The following SLC5A4 variants were observed in gnomAD, a reference collection of about 807,000 sequenced individuals.
SLC5A4 encodes solute carrier family 5 member 4, also known as probable glucose sensor protein SLC5A4.
Under a neutral mutation model 70.3 loss-of-function variants are expected in SLC5A4, and 55 were observed. That is an observed-to-expected ratio of 0.78 (90% CI 0.63 to 0.98). The LOEUF is 0.98. Ranked by LOEUF, SLC5A4 falls within the 50% of genes least tolerant of loss-of-function variation. The probability of loss-of-function intolerance (pLI) is 0.00; values close to 1 mark genes in which losing one functional copy is unlikely to be tolerated. For missense variants in SLC5A4, 735 were observed against 839.2 expected (o/e 0.88, Z 1.53); for synonymous variants, 268 against 305.7 (o/e 0.88, Z 1.29).
At chr22:32,264,794 T>C in the SLC5A4 span, among the ~76,000 whole-genome samples, 7 of 152,250 alleles carry the variant, frequency 4.6e-5, no homozygotes, top group Non-Finnish European at 7.3e-5. Flanking sequence ...CACACTTTTT[T>C]TGTAGCCCTT....
At chr22:32,315,424 G>A in the SLC5A4 span, among the ~76,000 whole-genome samples, 1 of 151,834 alleles carries the variant, frequency 6.6e-6, no homozygotes, top group East Asian at 1.9e-4. Flanking sequence ...GAGGCATCAA[G>A]GTAAACAAAA....
the SLC5A4 span, among the ~76,000 whole-genome samples, chr22:32,328,851 C>G: frequency 6.6e-6 from 1 of 152,180 alleles, no homozygotes; most frequent in Admixed American, 6.5e-5. Flanking sequence ...GATTGTGCAT[C>G]TGGACATCCC....
the SLC5A4 span, among the ~76,000 whole-genome samples, chr22:32,349,212 A>G: frequency 6.6e-6 from 1 of 151,814 alleles, no homozygotes; most frequent in African/African-American, 2.4e-5. Context: ...TGACCTCATG[A>G]TCCACCCACC....
At chr22:32,234,832 A>G in intron 8 of SLC5A4, 41 bp downstream of exon 8, 1 of 1,401,624 alleles carries the variant, frequency 7.1e-7, no homozygotes. Context: ...ACACACAGAC[A>G]GACAGACAGA....
At chr22:32,287,085 C>T in the SLC5A4 span, among the ~76,000 whole-genome samples, 311 of 152,218 alleles carry the variant, frequency 2.0e-3, 3 homozygotes, top group African/African-American at 7.4e-3. Flanking sequence ...AGTTACGGTA[C>T]AGGGAACTCT....
At chr22:32,251,922 C>G (rs560240571) in intron 2 of SLC5A4, 48 bp from the exon 3 acceptor site, 2 of 1,389,708 alleles carry the variant, frequency 1.4e-6, no homozygotes, top group Admixed American at 3.4e-5. Flanking sequence ...AGATCCAAAT[C>G]AGACTTCTTG....
the SLC5A4 span, among the ~76,000 whole-genome samples, chr22:32,332,171 C>T: frequency 6.6e-6 from 1 of 152,202 alleles, no homozygotes; most frequent in Admixed American, 6.5e-5. Flanking sequence ...TCCCAGCTCC[C>T]TTCCCAAAGG....
At chr22:32,270,237 T>G in the SLC5A4 span, 1 of 695,762 alleles carries the variant, frequency 1.4e-6, no homozygotes, top group Non-Finnish European at 2.7e-6. Flanking sequence ...CCTGCACCAA[T>G]GCTGCCATGG....
the SLC5A4 span, among the ~76,000 whole-genome samples, chr22:32,352,695 G>A: frequency 1.3e-5 from 2 of 152,098 alleles, no homozygotes; most frequent in Non-Finnish European, 2.9e-5. Flanking sequence ...CCCCAAACTT[G>A]CTGCTGCTGC....
chr22:32,292,187 AATAC>A, the SLC5A4 span, among the ~76,000 whole-genome samples: 1 of 53,584 alleles, frequency 1.9e-5, no homozygotes, highest in African/African-American at 7.7e-5. Context: ...TATTATATAT[AATAC>A]ATACTAGATA....
chr22:32,219,319 T>TCCACAAAATCTATCCC (rs1358152918), intron 14 of SLC5A4, among the ~76,000 whole-genome samples: 2 of 152,092 alleles, frequency 1.3e-5, no homozygotes, highest in Non-Finnish European at 2.9e-5. Context: ...ACAACGGAAC[T>TCCACAAAATCTATCCC]CCACAAAATC....
chr22:32,246,630 C>G (rs1926846154), intron 5 of SLC5A4, among the ~76,000 whole-genome samples: 1 of 152,146 alleles, frequency 6.6e-6, no homozygotes, highest in African/African-American at 2.4e-5. Context: ...CGTGTTCAAG[C>G]TATTCTCCTG....
At chr22:32,309,440 G>A in the SLC5A4 span, among the ~76,000 whole-genome samples, 1 of 152,100 alleles carries the variant, frequency 6.6e-6, no homozygotes, top group Non-Finnish European at 1.5e-5. Context: ...GTAAGAGTAG[G>A]CAGCTTAAAA....
At chr22:32,324,763 G>A in the SLC5A4 span, among the ~76,000 whole-genome samples, 12 of 152,142 alleles carry the variant, frequency 7.9e-5, no homozygotes, top group Non-Finnish European at 8.8e-5. Context: ...TGGGCCTTAG[G>A]CACCCACCTA....
chr22:32,304,070 C>T, the SLC5A4 span, among the ~76,000 whole-genome samples: 1 of 152,130 alleles, frequency 6.6e-6, no homozygotes, highest in East Asian at 1.9e-4. Flanking sequence ...TTTTCAGATG[C>T]TTATTTGCTG....
the SLC5A4 span, among the ~76,000 whole-genome samples, chr22:32,342,404 A>G: frequency 6.6e-6 from 1 of 152,154 alleles, no homozygotes; most frequent in Non-Finnish European, 1.5e-5. Context: ...TAACTAATCT[A>G]TGTGAATGAG....
chr22:32,333,197 C>CCA, the SLC5A4 span, among the ~76,000 whole-genome samples: 2 of 62,752 alleles, frequency 3.2e-5, no homozygotes, highest in Non-Finnish European at 6.3e-5. Flanking sequence ...AGCACTGGCA[C>CCA]CCCCCCCCCA....
At chr22:32,309,420 A>G in the SLC5A4 span, among the ~76,000 whole-genome samples, 1,363 of 152,282 alleles carry the variant, frequency 9.0e-3, 18 homozygotes, top group African/African-American at 0.031. Flanking sequence ...ACAGAAGCTC[A>G]CAGCAAAAAG....
chr22:32,270,585 G>A, the SLC5A4 span: 2 of 732,048 alleles, frequency 2.7e-6, no homozygotes, highest in East Asian at 2.5e-5. Flanking sequence ...AGATCATGGA[G>A]CTGGACACCA....
Sources: allele counts gnomAD v4.1 joint callset (sites outside exome capture counted in the v4.1 genomes callset), GRCh38; gene constraint gnomAD v4.1.1; transcripts MANE v1.5; gene names NCBI Gene and HGNC (gene_info 2026-07-23, HGNC 2026-07-21).